UGT1A10: variants seen among roughly 807,000 people sequenced by gnomAD.
UGT1A10 encodes the protein UDP-glucuronosyltransferase 1A10.
Under a neutral mutation model 45.8 loss-of-function variants are expected in UGT1A10, and 49 were observed. The observed-to-expected ratio is 1.07, with a 90% CI of 0.85 to 1.36. The LOEUF (loss-of-function observed/expected upper bound fraction) is 1.36, where lower values mean the gene tolerates loss of function less well. UGT1A10 is among the 40% of genes most tolerant of loss of function. UGT1A10 has a pLI of 0.00. For synonymous variants in UGT1A10, 284 were observed against 249.7 expected (o/e 1.14, Z -1.29); for missense variants, 745 against 668.6 (o/e 1.11, Z -1.26).
intron 1 of UGT1A10, among the ~76,000 whole-genome samples, chr2:233,684,889 G>C (rs2074708348): frequency 6.6e-6 from 1 of 152,130 alleles, no homozygotes; most frequent in Non-Finnish European, 1.5e-5. Flanking sequence ...GTGTGTCTTG[G>C]AAAAGTATAC....
At chr2:233,715,729 G>A (rs754544247) in intron 1 of UGT1A10, among the ~76,000 whole-genome samples, 1 of 152,122 alleles carries the variant, frequency 6.6e-6, no homozygotes, top group Non-Finnish European at 1.5e-5. Flanking sequence ...CCATGTTCAC[G>A]CCACCTCACT....
intron 1 of UGT1A10, among the ~76,000 whole-genome samples, chr2:233,765,804 G>T (rs1575814743): frequency 6.6e-6 from 1 of 152,060 alleles, no homozygotes. Flanking sequence ...AGTGAGAAAA[G>T]AATTGCCATG....
intron 1 of UGT1A10, chr2:233,719,277 C>T (rs1231059652): frequency 6.2e-7 from 1 of 1,614,052 alleles, no homozygotes; most frequent in Admixed American, 1.7e-5. Context: ...TTTAACAGAC[C>T]CCGTTAACCT....
intron 1 of UGT1A10, among the ~76,000 whole-genome samples, chr2:233,738,688 T>G (rs1408862943): frequency 6.6e-6 from 1 of 152,138 alleles, no homozygotes; most frequent in Non-Finnish European, 1.5e-5. Flanking sequence ...AATTGGAACT[T>G]ATGTTTAAAA....
chr2:233,698,273 C>T (rs2075433306), intron 1 of UGT1A10, among the ~76,000 whole-genome samples: 1 of 152,068 alleles, frequency 6.6e-6, no homozygotes, highest in African/African-American at 2.4e-5. Flanking sequence ...CAAACCATTT[C>T]AACACTATGA....
intron 1 of UGT1A10, among the ~76,000 whole-genome samples, chr2:233,699,435 T>C (rs2075505812): frequency 6.6e-6 from 1 of 152,214 alleles, no homozygotes; most frequent in African/African-American, 2.4e-5. Context: ...GAAGGGTCAT[T>C]GGAGTGTTTT....
chr2:233,672,573 C>T lies in UGT1A10; in HGVS notation c.855+35196C>T, dbSNP rs777793940. ...AGAGAGTACGGAACCACATCATGCA[C>T]TTGGAGGAACATTTATTATGCCACC... On this transcript the variant is annotated intron_variant, in intron 1 of 4. Coordinates refer to ENST00000344644, the MANE Select transcript of UGT1A10 (RefSeq NM_019075.4). 5.6e-6 allele frequency: 9 copies of T among 1,613,944 alleles called. No individual in the cohort carries two copies. In the South Asian group the frequency reaches 9.9e-5, roughly 18 times the overall value.
At chr2:233,660,957 A>G (rs2073950633) in intron 1 of UGT1A10, among the ~76,000 whole-genome samples, 1 of 151,964 alleles carries the variant, frequency 6.6e-6, no homozygotes, top group Non-Finnish European at 1.5e-5. Context: ...CTCCAGCTTT[A>G]TATCCTTCAG....
At chr2:233,725,966 G>A (rs1413354611) in intron 1 of UGT1A10, among the ~76,000 whole-genome samples, 1 of 152,090 alleles carries the variant, frequency 6.6e-6, no homozygotes, top group Non-Finnish European at 1.5e-5. Context: ...AGGAGTCTGA[G>A]AGCAGCCTGG....
intron 1 of UGT1A10, among the ~76,000 whole-genome samples, chr2:233,710,341 A>G (rs553386954): frequency 8.9e-4 from 135 of 152,236 alleles, no homozygotes; most frequent in Non-Finnish European, 1.7e-3. Flanking sequence ...AAACAGTCGA[A>G]CTGTTTCCAA....
intron 1 of UGT1A10, chr2:233,748,161 A>G: frequency 1.3e-6 from 2 of 1,596,158 alleles, no homozygotes; most frequent in South Asian, 2.3e-5. Context: ...TTGCTTCCAT[A>G]TCTACTTATC....
chr2:233,671,998 T>A, intron 1 of UGT1A10: 1 of 1,614,132 alleles, frequency 6.2e-7, no homozygotes, highest in East Asian at 2.2e-5. Flanking sequence ...GACCTGTGGC[T>A]TTGCCGAGGC....
At chr2:233,713,248 A>G (rs1380028747) in intron 1 of UGT1A10, 1 of 1,614,142 alleles carries the variant, frequency 6.2e-7, no homozygotes, top group Non-Finnish European at 8.5e-7. Context: ...TCATGGACCC[A>G]GGACGAATTT....
At chr2:233,726,457 C>G (rs1196256616) in intron 1 of UGT1A10, among the ~76,000 whole-genome samples, 2 of 152,164 alleles carry the variant, frequency 1.3e-5, no homozygotes, top group Admixed American at 1.3e-4. Context: ...TGAATGTAAG[C>G]TCATTTCTTT....
intron 1 of UGT1A10, among the ~76,000 whole-genome samples, chr2:233,661,693 G>A (rs1168675176): frequency 2.1e-5 from 1 of 47,454 alleles, no homozygotes; most frequent in Non-Finnish European, 4.3e-5. Context: ...TTAAACAAAG[G>A]TCCTTATCTG....
chr2:233,724,455 C>T lies in UGT1A10; in HGVS notation c.856-42579C>T, dbSNP rs528357739. The stretch of plus-strand genomic sequence containing the variant: ...CTCACTTCTCAGACAGGGCAGCTGC[C>T]GGGCGGAGGGGCTCCTCACTTCTCA... On this transcript the variant is annotated intron_variant, in intron 1 of 4. Transcript: ENST00000344644. Among the ~76,000 whole-genome samples, 1,260 of 127,892 alleles carry T rather than the reference C, an allele frequency of 9.9e-3. 63 individuals carry two copies. The highest frequency in any genetic ancestry group is 0.036 in the African/African-American group (1,175 of 32,784). 83.9% of individuals were successfully genotyped at this position (127,892 alleles called of 152,430 possible).
At chr2:233,767,994 T>G (rs1699541043) in intron 3 of UGT1A10, 58 bp downstream of exon 3, 2 of 1,614,136 alleles carry the variant, frequency 1.2e-6, no homozygotes, top group Non-Finnish European at 1.7e-6. Context: ...GAAAATGGCT[T>G]AAGCACAGCT....
chr2:233,763,832 A>C (rs1698407491), intron 1 of UGT1A10, among the ~76,000 whole-genome samples: 2 of 152,232 alleles, frequency 1.3e-5, no homozygotes, highest in South Asian at 4.1e-4. Context: ...CTCCCCTGCC[A>C]GGGTAAGATA....
intron 1 of UGT1A10, 94 bp downstream of exon 1, chr2:233,637,471 G>T (rs1356993825): frequency 4.0e-6 from 6 of 1,498,014 alleles, no homozygotes; most frequent in Non-Finnish European, 5.3e-6. Flanking sequence ...ATTTTCGTTT[G>T]TTGCATTTCA....
Sources: gnomAD v4.1 joint callset for allele counts (sites outside exome capture counted in the v4.1 genomes callset) on GRCh38, gnomAD v4.1.1 for gene constraint, MANE v1.5 for transcripts, NCBI Gene and HGNC (gene_info 2026-07-23, HGNC 2026-07-21) for gene names.